The following MED26 variants were observed in gnomAD, a reference collection of about 807,000 sequenced individuals.
MED26 encodes mediator complex subunit 26.
A neutral mutation model predicts 43.7 loss-of-function variants in MED26; 7 were observed. The observed-to-expected ratio is 0.16, with a 90% CI of 0.09 to 0.30. The LOEUF (loss-of-function observed/expected upper bound fraction) is 0.30. Ranked by LOEUF, MED26 falls within the 10% of genes least tolerant of loss-of-function variation. The probability of loss-of-function intolerance (pLI) is 1.00; values close to 1 mark genes in which losing one functional copy is unlikely to be tolerated. For synonymous variants in MED26, 375 were observed against 371.1 expected, an observed-to-expected ratio of 1.01 and a Z score of -0.12; for missense variants, 784 against 840.6, an observed-to-expected ratio of 0.93 and a Z score of 0.83.
chr19:16,620,795 CAG>C (rs1403407520), intron 1 of MED26, among the ~76,000 whole-genome samples: 3 of 152,216 alleles, frequency 2.0e-5, no homozygotes, highest in African/African-American at 7.2e-5. Context: ...GGCCTGCTCT[CAG>C]AGTTACACTG....
chr19:16,619,107 A>C (rs1004563966), intron 1 of MED26, among the ~76,000 whole-genome samples: 3 of 152,180 alleles, frequency 2.0e-5, no homozygotes, highest in African/African-American at 7.2e-5. Context: ...TTAGTATAGG[A>C]AGTAAAGACA....
chr19:16,616,616 A>G (rs1035579527), intron 1 of MED26, among the ~76,000 whole-genome samples: 1 of 152,210 alleles, frequency 6.6e-6, no homozygotes, highest in Non-Finnish European at 1.5e-5. Flanking sequence ...TGACAAAGGC[A>G]GAGATGAAGA....
At chr19:16,601,892 GGA>G (rs2086151363) in intron 1 of MED26, among the ~76,000 whole-genome samples, 1 of 152,228 alleles carries the variant, frequency 6.6e-6, no homozygotes, top group South Asian at 2.1e-4. Context: ...GCTGAAGCAG[GGA>G]GACAGTTCTG....
chr19:16,613,498 G>A (rs965419140), intron 1 of MED26, among the ~76,000 whole-genome samples: 2 of 152,134 alleles, frequency 1.3e-5, no homozygotes, highest in African/African-American at 2.4e-5. Flanking sequence ...AAAGACAGCA[G>A]AGTCCCCAGC....
Position 16,576,089 on chromosome 19 carries a change from A to C in MED26, c.1741T>G (p.Ser581Ala). Reference protein sequence around the residue: ...GNWYDWTQCISLDPHGDDGRL... With the variant: ...GNWYDWTQCIALDPHGDDGRL... ...CCGTCGTCGCCGTGCGGATCGAGCGATATGCACTGCGTCCAGTCATACCAG... is the reference window on the plus strand; with the variant it reads ...CCGTCGTCGCCGTGCGGATCGAGCGCTATGCACTGCGTCCAGTCATACCAG... Residue 581 changes from serine to alanine, a missense_variant, in exon 3 of 3, where the codon TCG (serine) becomes GCG (alanine). Coordinates refer to ENST00000263390, the MANE Select transcript of MED26 (RefSeq NM_004831.5). The surrounding 1 kb of genome is among the most constrained non-coding windows in gnomAD (Gnocchi z 6.8). 6.2e-7 allele frequency: 1 copy of C among 1,613,830 alleles called. No individual in the cohort carries two copies. Among genetic ancestry groups the C allele is most frequent in the Non-Finnish European group, 8.5e-7 (1 of 1,180,016 alleles).
chr19:16,626,695 G>A (rs2086277649), intron 1 of MED26, among the ~76,000 whole-genome samples: 1 of 152,058 alleles, frequency 6.6e-6, no homozygotes, highest in Admixed American at 6.6e-5. Flanking sequence ...AAACCCCTAC[G>A]GTGAGAGAAA....
chr19:16,608,941 T>C (rs946931356), intron 1 of MED26, among the ~76,000 whole-genome samples: 15 of 152,312 alleles, frequency 9.8e-5, no homozygotes, highest in Non-Finnish European at 1.8e-4. Context: ...AACAGGACAA[T>C]TGAGAAAATA....
intron 1 of MED26, chr19:16,611,204 G>A (rs909099172): frequency 6.6e-6 from 1 of 152,492 alleles, no homozygotes; most frequent in Non-Finnish European, 1.5e-5. Flanking sequence ...AGGTGACTAA[G>A]GTGAGAGGAA....
chr19:16,602,918 A>G (rs1177372489), intron 1 of MED26, among the ~76,000 whole-genome samples: 3 of 152,268 alleles, frequency 2.0e-5, no homozygotes, highest in Non-Finnish European at 4.4e-5. Context: ...TCATGACCAC[A>G]CAACCATGTG....
intron 1 of MED26, among the ~76,000 whole-genome samples, chr19:16,584,287 A>C (rs73514998): frequency 6.7e-6 from 1 of 148,662 alleles, no homozygotes; most frequent in African/African-American, 2.5e-5. Context: ...ACCGAAACCC[A>C]AACACTGCCC....
intron 1 of MED26, among the ~76,000 whole-genome samples, chr19:16,579,930 T>C (rs1419323658): frequency 1.3e-5 from 2 of 152,226 alleles, no homozygotes; most frequent in African/African-American, 2.4e-5. Context: ...ATGTCAGCAA[T>C]GTCCAGCCTC....
rs1458621240 is a variant in MED26 at position 16,575,043 on chromosome 19, A to C, written c.*984T>G. On this transcript the variant is annotated 3_prime_UTR_variant, in exon 3 of 3. Coordinates refer to ENST00000263390, the MANE Select transcript of MED26 (RefSeq NM_004831.5). ...AAGTCTAGGTACTGTACATTCACTA[A>C]GGCTCCTTGTTTTTGCAAATCGCGT... 2 of 152,490 alleles carry C rather than the reference A, an allele frequency of 1.3e-5. No homozygotes were observed. The highest frequency in any genetic ancestry group is 2.9e-5 in the Non-Finnish European group (2 of 68,028). 9.4% of individuals were successfully genotyped at this position (152,490 alleles called of 1,614,324 possible). A position where few individuals can be genotyped will look rare whatever the true frequency, so the allele number is the denominator to read the frequency against.
chr19:16,580,594 C>T (rs1196954391), intron 1 of MED26, among the ~76,000 whole-genome samples: 1 of 152,112 alleles, frequency 6.6e-6, no homozygotes, highest in Non-Finnish European at 1.5e-5. Context: ...TGGTCTTGAA[C>T]TCCTGACCTC....
intron 1 of MED26, among the ~76,000 whole-genome samples, chr19:16,620,607 A>G (rs1475134882): frequency 6.6e-6 from 1 of 152,200 alleles, no homozygotes; most frequent in Non-Finnish European, 1.5e-5. Context: ...AATGTAACCA[A>G]CAAGACCTGT....
chr19:16,580,494 G>A (rs1039666213), intron 1 of MED26, among the ~76,000 whole-genome samples: 4 of 151,792 alleles, frequency 2.6e-5, no homozygotes, highest in African/African-American at 4.8e-5. Context: ...TCAGCCTCCC[G>A]AGTAGCTGAG....
chr19:16,616,865 C>T (rs947259206), intron 1 of MED26, among the ~76,000 whole-genome samples: 5 of 151,974 alleles, frequency 3.3e-5, no homozygotes, highest in Non-Finnish European at 7.4e-5. Context: ...TAGGCAGACA[C>T]CCCCCCACTG....
chr19:16,607,841 T>C (rs1046918809), intron 1 of MED26, among the ~76,000 whole-genome samples: 2 of 152,176 alleles, frequency 1.3e-5, no homozygotes, highest in Non-Finnish European at 2.9e-5. Context: ...GACACCCCGA[T>C]CTAGAGCAAG....
rs1318866181 is a variant in MED26 at position 16,576,758 on chromosome 19, C to T, written c.1072G>A (p.Ala358Thr). 1 of 1,607,412 alleles carries T rather than the reference C, an allele frequency of 6.2e-7. No individual in the cohort carries two copies. The highest frequency in any genetic ancestry group is 1.1e-5 in the South Asian group (1 of 90,954). The change falls in exon 3 of 3, where the codon GCA (alanine) becomes ACA (threonine). Residue 358 changes from alanine to threonine, a missense_variant. Transcript: ENST00000263390. This position sits in a 1 kb window ranked among gnomAD's most constrained non-coding sequence, Gnocchi z 6.8. ...AGGGGCTCGGCTGGGGACAGCCCTG[C>T]CTTGCAGCCCGGCCCCGCCAGCCGC... ...HQRLAGPGCKAGLSPAEPLLS... is the reference protein window; with the variant it reads ...HQRLAGPGCKTGLSPAEPLLS...
At position 16,627,977 on chromosome 19, in the gene MED26, A is replaced by AGCGG. The variant is rs1334398690; in HGVS notation, c.-38_-35dup. ...CGAGGCGGGGGGTTGCGGCCGGGCC[A>AGCGG]GCGGGCGGGCGGGCTGAGGCGGGGG... On this transcript the variant is annotated 5_prime_UTR_variant, in exon 1 of 3. Coordinates refer to ENST00000263390, the MANE Select transcript of MED26 (RefSeq NM_004831.5). 6 of 1,393,412 alleles carry AGCGG rather than the reference A, an allele frequency of 4.3e-6. No individual in the cohort carries two copies. In the East Asian group the frequency reaches 1.2e-4, roughly 28 times the overall value. The allele number at this position is 1,393,412 out of a possible 1,614,324, so 86.3% of individuals were successfully genotyped here.
Sources: allele counts gnomAD v4.1 joint callset (sites outside exome capture counted in the v4.1 genomes callset), GRCh38; gene constraint gnomAD v4.1.1; non-coding constraint Gnocchi (gnomAD v3.1); transcripts MANE v1.5; gene names NCBI Gene and HGNC (gene_info 2026-07-23, HGNC 2026-07-21).